PCDHGB1: variants seen among roughly 807,000 people sequenced by gnomAD.
The protein encoded by PCDHGB1 is protocadherin gamma-B1.
A neutral mutation model predicts 56.6 loss-of-function variants in PCDHGB1; 34 were observed. That is an observed-to-expected ratio of 0.60 (90% confidence interval 0.46 to 0.80). The LOEUF (loss-of-function observed/expected upper bound fraction) is 0.80, where lower values mean the gene tolerates loss of function less well. PCDHGB1 is among the 30% of genes least tolerant of loss of function. The probability of loss-of-function intolerance (pLI) is 0.00; values close to 1 mark genes in which losing one functional copy is unlikely to be tolerated. For missense variants in PCDHGB1, 1,278 were observed against 1,204.6 expected, an observed-to-expected ratio of 1.06 and a Z score of -0.90; for synonymous variants, 561 against 505.9, an observed-to-expected ratio of 1.11 and a Z score of -1.46.
At chr5:141,398,565 A>G (rs2150749377) in intron 1 of PCDHGB1, 2 of 1,614,040 alleles carry the variant, frequency 1.2e-6, no homozygotes, top group South Asian at 1.1e-5. Context: ...GTGAGTCTGC[A>G]CAGCCTGGCA....
rs187873649 is a variant in PCDHGB1, at chr5:141,469,715, G to A, written c.2410-25092G>A. ...TATGACCTAGTAATCACACTATTAG[G>A]AATTTATCATAAATACACACCTCAA... On this transcript the variant is annotated intron_variant, in intron 1 of 3. Coordinates refer to ENST00000523390, the MANE Select transcript of PCDHGB1 (RefSeq NM_018922.3). Among the ~76,000 whole-genome samples, 552 of 152,160 alleles carry A rather than the reference G, an allele frequency of 3.6e-3. 1 individual carries two copies. Among genetic ancestry groups the A allele is most frequent in the Non-Finnish European group, 5.8e-3 (397 of 68,008 alleles).
At chr5:141,360,326 G>A (rs1761537998) in intron 1 of PCDHGB1, 4 of 1,613,816 alleles carry the variant, frequency 2.5e-6, no homozygotes, top group Non-Finnish European at 2.5e-6. Flanking sequence ...TTGCCAGCCC[G>A]GAAGCTGCGG....
intron 1 of PCDHGB1, chr5:141,409,578 T>A: frequency 6.2e-7 from 1 of 1,613,942 alleles, no homozygotes. Context: ...TCCTACGTGG[T>A]CCACGTGGCC....
chr5:141,493,179 T>C lies in PCDHGB1; in HGVS notation c.2410-1628T>C, dbSNP rs1208502829. 6.6e-6 allele frequency among the ~76,000 whole-genome samples: 1 copy of C among 152,230 alleles called. No homozygotes were observed. Among genetic ancestry groups the C allele is most frequent in the Non-Finnish European group, 1.5e-5 (1 of 68,040 alleles). On this transcript the variant is annotated intron_variant, in intron 1 of 3. Coordinates refer to ENST00000523390, the MANE Select transcript of PCDHGB1 (RefSeq NM_018922.3). This position sits in a 1 kb window ranked among gnomAD's most constrained non-coding sequence, Gnocchi z 4.3. ...TGATAGCTGATTGAGAGAAACTTAC[T>C]ATATAACTCCTTTGAGAACCTCATC...
intron 1 of PCDHGB1, chr5:141,362,414 C>A (rs1399148025): frequency 6.2e-7 from 1 of 1,614,058 alleles, no homozygotes; most frequent in South Asian, 1.1e-5. Context: ...GCCTCACAAT[C>A]AGCCAAGACA....
chr5:141,427,528 A>G (rs1360860476), intron 1 of PCDHGB1: 1 of 617,748 alleles, frequency 1.6e-6, no homozygotes, highest in Non-Finnish European at 3.0e-6. Context: ...CGGATCCCGG[A>G]GTACAACGTC....
intron 1 of PCDHGB1, among the ~76,000 whole-genome samples, chr5:141,430,014 G>A (rs925858697): frequency 6.6e-6 from 1 of 152,130 alleles, no homozygotes; most frequent in South Asian, 2.1e-4. Context: ...TTTCACTTGG[G>A]TTCTTGTTAA....
At chr5:141,421,829 T>G in intron 1 of PCDHGB1, 5 of 1,613,784 alleles carry the variant, frequency 3.1e-6, no homozygotes, top group Non-Finnish European at 4.2e-6. Context: ...GAGGGAAGCC[T>G]GGACCGAGAG....
rs1758689711 is a variant in PCDHGB1, at chr5:141,351,308, A to C, written c.1048A>C (p.Asn350His). 1 of 1,613,836 alleles carries C rather than the reference A, an allele frequency of 6.2e-7. No individual in the cohort carries two copies. The highest frequency in any genetic ancestry group is 1.3e-5 in the African/African-American group (1 of 74,944). The change falls in exon 1 of 4, where the codon AAC becomes CAC. Residue 350 changes from asparagine (N) to histidine (H), a missense_variant. Asn to His is a moderately conservative substitution (Grantham distance 68). Transcript: ENST00000523390. ...APEVTFMSFS[N>H]QIPEDSDLGT... ...AGAGGTGACATTCATGTCCTTCTCT[A>C]ACCAGATTCCAGAGGATTCAGACCT...
intron 1 of PCDHGB1, chr5:141,390,071 C>G (rs1322880756): frequency 1.2e-6 from 2 of 1,614,084 alleles, no homozygotes; most frequent in Non-Finnish European, 1.7e-6. Flanking sequence ...AGCCTGGTCT[C>G]TGTGTTAAAT....
intron 1 of PCDHGB1, chr5:141,414,147 A>G: frequency 6.3e-7 from 1 of 1,599,090 alleles, no homozygotes; most frequent in Non-Finnish European, 8.5e-7. Flanking sequence ...TAGAAATACA[A>G]GCAGAAGATG....
At chr5:141,404,058 T>C (rs1411363585) in intron 1 of PCDHGB1, 1 of 1,613,778 alleles carries the variant, frequency 6.2e-7, no homozygotes, top group Non-Finnish European at 8.5e-7. Flanking sequence ...ATTCTTCTTT[T>C]CAATGCTCAT....
chr5:141,506,415 C>T lies in PCDHGB1; in HGVS notation c.2557+934C>T, dbSNP rs2099853185. 2.0e-5 allele frequency among the ~76,000 whole-genome samples: 3 copies of T among 148,290 alleles called. No homozygotes were observed. The South Asian group carries it at 6.4e-4, about 32-fold the overall frequency. On this transcript the variant is annotated intron_variant, in intron 3 of 3. Coordinates refer to ENST00000523390, the MANE Select transcript of PCDHGB1 (RefSeq NM_018922.3). ...GAGCAGAAAATCGCACCACTGCACT[C>T]CAGCCTGGGCAACAGTCTCGCTCTG...
rs767660547 is a variant in PCDHGB1, at chr5:141,351,392, G to C, written c.1132G>C (p.Val378Leu). The C allele has an allele frequency of 1.8e-5, 29 of 1,611,590 alleles. No individual in the cohort carries two copies. The highest frequency in any genetic ancestry group is 2.2e-5 in the Non-Finnish European group (26 of 1,178,672). The change falls in exon 1 of 4, where the codon GTG (valine) becomes CTG (leucine). Residue 378 changes from valine to leucine, a missense_variant. Coordinates refer to ENST00000523390, the MANE Select transcript of PCDHGB1 (RefSeq NM_018922.3). ...CAAGGATTCTGGGCAAAATGGCATG[G>C]TGACATGCTATACTCAGGAAGAAGT... Reference protein sequence around the residue: ...RDKDSGQNGMVTCYTQEEVPF... With the variant: ...RDKDSGQNGMLTCYTQEEVPF...
At position 141,469,305 on chromosome 5, in the gene PCDHGB1, G is replaced by A. The variant is rs990437808; in HGVS notation, c.2410-25502G>A. Among the ~76,000 whole-genome samples the A allele has an allele frequency of 3.9e-5, 6 of 152,192 alleles. No homozygotes were observed. The South Asian group carries it at 6.2e-4, about 16-fold the overall frequency. On this transcript the variant is annotated intron_variant, in intron 1 of 3. Transcript: ENST00000523390. ...AAATAAAACAAAATAGACTGGGCACGATGGCTCACGCCTGTAATCCCACCA... is the reference window on the plus strand; with the variant it reads ...AAATAAAACAAAATAGACTGGGCACAATGGCTCACGCCTGTAATCCCACCA...
intron 1 of PCDHGB1, chr5:141,392,511 A>C (rs1368500575): frequency 4.2e-6 from 1 of 240,354 alleles, no homozygotes; most frequent in Non-Finnish European, 7.9e-6. Flanking sequence ...TTTTTTTCTC[A>C]GTAATCTAGT....
intron 1 of PCDHGB1, chr5:141,375,289 T>C (rs760342816): frequency 6.2e-7 from 1 of 1,613,842 alleles, no homozygotes; most frequent in South Asian, 1.1e-5. Flanking sequence ...GCAATTATTA[T>C]CGATTAGTGA....
At chr5:141,393,399 C>A in intron 1 of PCDHGB1, 2 of 1,614,028 alleles carry the variant, frequency 1.2e-6, no homozygotes, top group Non-Finnish European at 1.7e-6. Context: ...AGAGCTGGTG[C>A]TGGAGCGCGC....
intron 1 of PCDHGB1, chr5:141,387,672 C>T (rs1222648666): frequency 5.7e-6 from 4 of 707,372 alleles, no homozygotes; most frequent in Non-Finnish European, 9.1e-6. Flanking sequence ...CTCCAGATCT[C>T]CTCGCGCAGC....
Sources: gnomAD v4.1 joint callset for allele counts (sites outside exome capture counted in the v4.1 genomes callset) on GRCh38, gnomAD v4.1.1 for gene constraint, Gnocchi (gnomAD v3.1) non-coding constraint, MANE v1.5 for transcripts, NCBI Gene and HGNC (gene_info 2026-07-23, HGNC 2026-07-21) for gene names.